The following GABBR2 variants were observed in gnomAD, a reference collection of about 807,000 sequenced individuals.
The protein encoded by GABBR2 is G-protein coupled receptor 51.
GABBR2 carries 23 observed loss-of-function variants against 105.6 expected under a neutral mutation model. The ratio of observed to expected loss-of-function variants is 0.22; its 90% CI spans 0.16 to 0.31. The LOEUF (loss-of-function observed/expected upper bound fraction) is 0.31, where lower values mean the gene tolerates loss of function less well. GABBR2 is among the 10% of genes least tolerant of loss of function. The pLI is 1.00. For synonymous variants in GABBR2, 478 were observed against 499.7 expected (o/e 0.96, Z 0.58); for missense variants, 734 against 1,245.5 (o/e 0.59, Z 6.18).
At chr9:98,435,902 C>T (rs186862742) in intron 7 of GABBR2, among the ~76,000 whole-genome samples, 13 of 152,210 alleles carry the variant, frequency 8.5e-5, no homozygotes, top group Admixed American at 3.3e-4. Flanking sequence ...CAGGTCTCCA[C>T]GTTATGGGCA....
intron 13 of GABBR2, among the ~76,000 whole-genome samples, chr9:98,323,854 T>G (rs1830869025): frequency 1.3e-5 from 2 of 152,080 alleles, no homozygotes; most frequent in Non-Finnish European, 2.9e-5. Flanking sequence ...AATGGAGAGG[T>G]GACAGAACTA....
intron 8 of GABBR2, among the ~76,000 whole-genome samples, chr9:98,397,384 C>G (rs990634051): frequency 1.3e-5 from 2 of 151,816 alleles, no homozygotes; most frequent in Non-Finnish European, 2.9e-5. Flanking sequence ...GTGCCAGGCT[C>G]TGGGCTAGGG....
At position 98,708,779 on chromosome 9, in the gene GABBR2, T is replaced by C; in HGVS notation, c.-42A>G. On this transcript the variant is annotated 5_prime_UTR_variant, in exon 1 of 19. The change abolishes an upstream ATG in the 5' untranslated region. Transcript: ENST00000259455. Reference sequence around the variant, plus strand: ...CGGGCGCCGGCTCACTCGGCCCGCATGGCCTGGCCCGGCCCGCCGCCCCGC... The same window carrying C: ...CGGGCGCCGGCTCACTCGGCCCGCACGGCCTGGCCCGGCCCGCCGCCCCGC... 1.0e-6 allele frequency: 1 copy of C among 973,828 alleles called. No individual in the cohort carries two copies. Among genetic ancestry groups the C allele is most frequent in the Non-Finnish European group, 1.2e-6 (1 of 822,574 alleles). 60.3% of individuals were successfully genotyped at this position (973,828 alleles called of 1,614,324 possible). A position where few individuals can be genotyped will look rare whatever the true frequency, so the allele number is the denominator to read the frequency against.
At chr9:98,436,345 CACCATATATATATATAT>C (rs1825912207) in intron 7 of GABBR2, among the ~76,000 whole-genome samples, 1 of 44,924 alleles carries the variant, frequency 2.2e-5, no homozygotes, top group African/African-American at 1.1e-4. Context: ...CACACACACA[CACCATATATATATATAT>C]ATATATATAT....
At chr9:98,421,469 A>G (rs1004765885) in intron 7 of GABBR2, among the ~76,000 whole-genome samples, 1 of 152,098 alleles carries the variant, frequency 6.6e-6, no homozygotes, top group African/African-American at 2.4e-5. Flanking sequence ...TTTTGTTTCA[A>G]TTTCTGTGCA....
intron 13 of GABBR2, among the ~76,000 whole-genome samples, chr9:98,360,591 A>G (rs1016227990): frequency 2.0e-4 from 31 of 152,244 alleles, no homozygotes; most frequent in African/African-American, 7.0e-4. Flanking sequence ...GGGACTCCTC[A>G]GTTTGAGAAC....
rs535104971 is a variant in GABBR2 at position 98,310,778 on chromosome 9, A to G, written c.2004+317T>C. 7.2e-5 allele frequency among the ~76,000 whole-genome samples: 11 copies of G among 152,320 alleles called. No individual in the cohort carries two copies. The East Asian group carries it at 2.1e-3, about 29-fold the overall frequency. ...AGACTGCTCTTCCTGGGAGTAGTGC[A>G]GTGACAGCTGTAAGGCACAGCCACG... On this transcript the variant is annotated intron_variant, in intron 14 of 18. Transcript: ENST00000259455.
chr9:98,486,408 A>C (rs761091802), intron 4 of GABBR2, among the ~76,000 whole-genome samples: 3 of 152,224 alleles, frequency 2.0e-5, no homozygotes, highest in African/African-American at 4.8e-5. Flanking sequence ...GCTGGTGTGC[A>C]TTTAAGAGTG....
At chr9:98,455,743 G>A (rs940555529) in intron 6 of GABBR2, among the ~76,000 whole-genome samples, 8 of 152,332 alleles carry the variant, frequency 5.3e-5, no homozygotes, top group Non-Finnish European at 1.0e-4. Context: ...TCTTCCGTGG[G>A]TGGAGCCCAC....
intron 1 of GABBR2, among the ~76,000 whole-genome samples, chr9:98,618,323 TC>T (rs1353774757): frequency 1.3e-5 from 2 of 152,316 alleles, no homozygotes; most frequent in African/African-American, 4.8e-5. Context: ...TGGGGATTGT[TC>T]GATCACAATA....
intron 1 of GABBR2, among the ~76,000 whole-genome samples, chr9:98,695,189 G>A (rs913992235): frequency 2.0e-5 from 3 of 152,124 alleles, no homozygotes; most frequent in Admixed American, 6.5e-5. Flanking sequence ...GGCTGTGCTG[G>A]GTGCTCCAGA....
At chr9:98,611,050 T>G (rs974368038) in intron 1 of GABBR2, among the ~76,000 whole-genome samples, 1 of 152,098 alleles carries the variant, frequency 6.6e-6, no homozygotes, top group African/African-American at 2.4e-5. Context: ...CTCCCCACCT[T>G]CCACTGCTTT....
chr9:98,688,072 C>A (rs1174518746), intron 1 of GABBR2, among the ~76,000 whole-genome samples: 4 of 152,136 alleles, frequency 2.6e-5, no homozygotes, highest in Non-Finnish European at 5.9e-5. Context: ...AGCTCCCCTG[C>A]CCTCCAGAGA....
chr9:98,572,802 A>G (rs1229813267), intron 2 of GABBR2, among the ~76,000 whole-genome samples: 1 of 152,126 alleles, frequency 6.6e-6, no homozygotes, highest in Non-Finnish European at 1.5e-5. Flanking sequence ...CTCATCTACC[A>G]TTCTGCCTCC....
chr9:98,522,328 GATATA>G (rs1433941763), intron 3 of GABBR2, among the ~76,000 whole-genome samples: 11 of 152,006 alleles, frequency 7.2e-5, no homozygotes, highest in African/African-American at 1.7e-4. Context: ...AATAATTAAA[GATATA>G]ATAAAAGAAA....
chr9:98,482,011 G>A (rs1358318621), intron 4 of GABBR2, among the ~76,000 whole-genome samples: 2 of 152,124 alleles, frequency 1.3e-5, no homozygotes, highest in Non-Finnish European at 1.5e-5. Flanking sequence ...GGCTGAAAGA[G>A]AACGGGTGGG....
chr9:98,504,994 G>C (rs536806988), intron 3 of GABBR2, among the ~76,000 whole-genome samples: 1 of 152,150 alleles, frequency 6.6e-6, no homozygotes, highest in Non-Finnish European at 1.5e-5. Flanking sequence ...GTCATGTAGA[G>C]GGGGGGCACC....
chr9:98,525,146 G>GA (rs1053967131), intron 3 of GABBR2, among the ~76,000 whole-genome samples: 18 of 151,988 alleles, frequency 1.2e-4, no homozygotes, highest in Admixed American at 9.8e-4. Context: ...AGCAGCAAAA[G>GA]AAAAAAAGAT....
At chr9:98,396,096 T>A (rs952701305) in intron 8 of GABBR2, among the ~76,000 whole-genome samples, 3 of 152,166 alleles carry the variant, frequency 2.0e-5, no homozygotes, top group Non-Finnish European at 4.4e-5. Flanking sequence ...GCCCATGCTC[T>A]TCCCTGACAC....
Sources: gnomAD v4.1 joint callset for allele counts (sites outside exome capture counted in the v4.1 genomes callset) on GRCh38, gnomAD v4.1.1 for gene constraint, MANE v1.5 for transcripts, NCBI Gene and HGNC (gene_info 2026-07-23, HGNC 2026-07-21) for gene names.